SRGAP2: variants seen among roughly 807,000 people sequenced by gnomAD.
The protein encoded by SRGAP2 is SLIT-ROBO Rho GTPase activating protein 2.
SRGAP2 carries 15 observed loss-of-function variants against 57.2 expected under a neutral mutation model. That is an observed-to-expected ratio of 0.26 (90% CI 0.18 to 0.40). The LOEUF is 0.40. Ranked by LOEUF, SRGAP2 falls within the 10% of genes least tolerant of loss-of-function variation. SRGAP2 has a pLI of 1.00. For synonymous variants in SRGAP2, 249 were observed against 248.0 expected (o/e 1.00, Z -0.04); for missense variants, 520 against 669.6 (o/e 0.78, Z 2.47).
intron 3 of SRGAP2, among the ~76,000 whole-genome samples, chr1:206,303,929 C>T (rs1213818893): frequency 6.6e-6 from 1 of 152,176 alleles, no homozygotes; most frequent in African/African-American, 2.4e-5. Context: ...CTCACACTCA[C>T]ACACCCCTAG....
intron 4 of SRGAP2, among the ~76,000 whole-genome samples, chr1:206,357,435 A>AT (rs1370882885): frequency 1.3e-5 from 2 of 151,306 alleles, no homozygotes; most frequent in African/African-American, 4.8e-5. Flanking sequence ...GCTTAGTGTA[A>AT]TTTTTTTCAT....
At chr1:206,432,704 C>T (rs376688580) in intron 14 of SRGAP2, among the ~76,000 whole-genome samples, 1 of 152,174 alleles carries the variant, frequency 6.6e-6, no homozygotes, top group Non-Finnish European at 1.5e-5. Context: ...AGATGCTCCT[C>T]GGCCTCTAAT....
intron 4 of SRGAP2, among the ~76,000 whole-genome samples, chr1:206,365,459 G>A (rs1273266964): frequency 4.6e-5 from 7 of 152,022 alleles, no homozygotes; most frequent in Admixed American, 6.5e-5. Context: ...TGTCCCAGGC[G>A]GGAGGTCATG....
intron 2 of SRGAP2, among the ~76,000 whole-genome samples, chr1:206,286,721 A>G (rs1671045445): frequency 6.6e-6 from 1 of 151,920 alleles, no homozygotes; most frequent in Non-Finnish European, 1.5e-5. Context: ...AGAGAGCTCA[A>G]TGAAGTGAGA....
intron 14 of SRGAP2, among the ~76,000 whole-genome samples, chr1:206,431,403 A>C (rs1196417903): frequency 6.6e-6 from 1 of 152,208 alleles, no homozygotes; most frequent in Non-Finnish European, 1.5e-5. Context: ...AAGTTAAATA[A>C]AAAGGGATAA....
intron 2 of SRGAP2, among the ~76,000 whole-genome samples, chr1:206,210,403 C>CTTTTTTT (rs71568077): frequency 4.1e-4 from 13 of 31,790 alleles, no homozygotes; most frequent in African/African-American, 6.6e-4. Flanking sequence ...GGGGTCTTGT[C>CTTTTTTT]TTTTTTTTTT....
Position 206,291,580 on chromosome 1 carries a change from G to C in SRGAP2, c.68-11701G>C, listed in dbSNP as rs1239239799. Among the ~76,000 whole-genome samples, 445 of 151,386 alleles carry C rather than the reference G, an allele frequency of 2.9e-3. 1 individual carries two copies. The highest frequency in any genetic ancestry group is 0.011 in the African/African-American group (434 of 41,028). On this transcript the variant is annotated intron_variant, in intron 2 of 22. Transcript: ENST00000573034. ...TGCGGTCTATCCTCTTAATCACTCA[G>C]CTTTGCTGTGAACTAATCTCCCTGG...
Position 206,409,834 on chromosome 1 carries a change from C to T in SRGAP2, c.1356+3260C>T, listed in dbSNP as rs537274485. Among the ~76,000 whole-genome samples the T allele has an allele frequency of 3.1e-3, 464 of 151,106 alleles. 1 individual carries two copies. The highest frequency in any genetic ancestry group is 0.011 in the African/African-American group (449 of 41,022). On this transcript the variant is annotated intron_variant, in intron 10 of 22. Coordinates refer to ENST00000573034, the MANE Select transcript of SRGAP2 (RefSeq NM_015326.5). ...AATAAATCTGCTGGGCGTGGTGGCT[C>T]ACGCCTGTAATCCCAGCACTTTGGG...
chr1:206,441,444 T>C (rs1382548988), intron 17 of SRGAP2, among the ~76,000 whole-genome samples: 1 of 152,102 alleles, frequency 6.6e-6, no homozygotes, highest in Non-Finnish European at 1.5e-5. Flanking sequence ...GGAGCAAGCT[T>C]TGGAGTCCCC....
chr1:206,428,457 A>G (rs1661005727), intron 13 of SRGAP2, among the ~76,000 whole-genome samples: 1 of 151,626 alleles, frequency 6.6e-6, no homozygotes, highest in Non-Finnish European at 1.5e-5. Context: ...AATTGTATAT[A>G]TAAAATAAAA....
intron 15 of SRGAP2, 61 bp downstream of exon 15, chr1:206,437,103 C>T (rs1661831774): frequency 1.3e-6 from 1 of 777,016 alleles, no homozygotes; most frequent in Non-Finnish European, 2.4e-6. Flanking sequence ...GTATTGGCTC[C>T]ACCCTTTCTT....
chr1:206,252,387 T>C (rs1227557992), intron 2 of SRGAP2, among the ~76,000 whole-genome samples: 1 of 151,226 alleles, frequency 6.6e-6, no homozygotes, highest in East Asian at 2.0e-4. Context: ...TTTTAGTTTC[T>C]CCTCTCCCTT....
chr1:206,436,837 G>T, intron 14 of SRGAP2, 128 bp from the exon 15 acceptor site: 1 of 693,108 alleles, frequency 1.4e-6, no homozygotes, highest in Non-Finnish European at 2.7e-6. Context: ...TTCTCCTTTG[G>T]CCTAAAGAAG....
chr1:206,437,155 C>T, intron 15 of SRGAP2, 113 bp downstream of exon 15: 1 of 735,224 alleles, frequency 1.4e-6, no homozygotes, highest in South Asian at 1.4e-5. Flanking sequence ...ACTTCCCTGT[C>T]TCTTCAGGGG....
At position 206,393,748 on chromosome 1, in the gene SRGAP2, C is replaced by CTA. The variant is rs1308028456; in HGVS notation, c.831+77_831+78dup. 63 of 540,910 alleles carry CTA rather than the reference C, an allele frequency of 1.2e-4. No individual in the cohort carries two copies. In the East Asian group the frequency reaches 1.7e-3, roughly 14 times the overall value. The allele number at this position is 540,910 out of a possible 1,614,324, so 33.5% of individuals were successfully genotyped here. ...AATACTCGTCAGACATTCCCCGATA[C>CTA]TATTGTTCAGGAATCTGGTGCATTT... is the stretch of plus-strand genomic sequence containing the variant. On this transcript the variant is annotated intron_variant, in intron 7 of 22. Transcript: ENST00000573034.
intron 2 of SRGAP2, among the ~76,000 whole-genome samples, chr1:206,269,217 A>G (rs1670061216): frequency 6.9e-6 from 1 of 145,176 alleles, no homozygotes; most frequent in Admixed American, 6.8e-5. Flanking sequence ...GCATGAAACA[A>G]GAGTGCATCC....
chr1:206,383,296 A>T (rs1438965819), intron 4 of SRGAP2, among the ~76,000 whole-genome samples: 2 of 151,378 alleles, frequency 1.3e-5, no homozygotes, highest in Non-Finnish European at 2.9e-5. Context: ...AAGTGCCGGG[A>T]TTACAGGTGT....
intron 4 of SRGAP2, among the ~76,000 whole-genome samples, chr1:206,366,503 G>A (rs1553341686): frequency 6.6e-6 from 1 of 151,866 alleles, no homozygotes; most frequent in Admixed American, 6.6e-5. Flanking sequence ...CCAGGATTTG[G>A]GGGGTGGGGA....
intron 2 of SRGAP2, among the ~76,000 whole-genome samples, chr1:206,291,040 C>T (rs1404444952): frequency 1.3e-5 from 2 of 151,240 alleles, no homozygotes; most frequent in Non-Finnish European, 2.9e-5. Context: ...GTTAAGACAG[C>T]GAGAATGAGG....
Sources: gnomAD v4.1 joint callset for allele counts (sites outside exome capture counted in the v4.1 genomes callset) on GRCh38, gnomAD v4.1.1 for gene constraint, MANE v1.5 for transcripts, NCBI Gene and HGNC (gene_info 2026-07-23, HGNC 2026-07-21) for gene names.